The following PCDHA6 variants were observed in gnomAD, a reference collection of about 807,000 sequenced individuals.
The protein encoded by PCDHA6 is protocadherin alpha 6, also known as protocadherin alpha-6.
In PCDHA6, 55 loss-of-function variants were observed where a neutral mutation model predicts 60.3. The observed-to-expected ratio is 0.91, with a 90% confidence interval of 0.73 to 1.14. PCDHA6 has a LOEUF of 1.14. Among genes scored for constraint, PCDHA6 ranks in the 50% most tolerant of loss-of-function variants. The pLI is 0.00. For missense variants in PCDHA6, 1,327 were observed against 1,256.5 expected, an observed-to-expected ratio of 1.06 and a Z score of -0.85; for synonymous variants, 652 against 557.9, an observed-to-expected ratio of 1.17 and a Z score of -2.38.
intron 1 of PCDHA6, among the ~76,000 whole-genome samples, chr5:140,960,335 G>T (rs1362472967): frequency 1.3e-5 from 2 of 152,148 alleles, no homozygotes; most frequent in African/African-American, 4.8e-5. Context: ...AGAAGTACAT[G>T]AGGTGAGATA....
chr5:140,857,611 G>A (rs987659739), intron 1 of PCDHA6: 1 of 1,596,436 alleles, frequency 6.3e-7, no homozygotes, highest in Admixed American at 1.7e-5. Flanking sequence ...CGCTGCAGCC[G>A]CTGGACCACG....
In PCDHA6 at chr5:140,857,202, C is replaced by A. The variant is rs560343247; in HGVS notation, c.2394+26717C>A. 14 of 1,598,626 alleles carry A rather than the reference C, an allele frequency of 8.8e-6. No individual in the cohort carries two copies. In the African/African-American group the frequency reaches 1.1e-4, roughly 12 times the overall value. On this transcript the variant is annotated intron_variant, in intron 1 of 3. Coordinates refer to ENST00000529310, the MANE Select transcript of PCDHA6 (RefSeq NM_018909.4). The stretch of plus-strand genomic sequence containing the variant: ...GATTCAGGAGCCAACGGACAGGTCA[C>A]CTGCTCTCTGACGCCTCACGTTCCG...
intron 1 of PCDHA6, chr5:140,877,758 G>A (rs782480713): frequency 1.2e-6 from 2 of 1,614,190 alleles, no homozygotes; most frequent in Non-Finnish European, 1.7e-6. Flanking sequence ...GCTCTGCAGA[G>A]AGCCCGCCCA....
intron 1 of PCDHA6, chr5:140,863,426 T>C: frequency 1.5e-6 from 1 of 661,760 alleles, no homozygotes; most frequent in Non-Finnish European, 2.7e-6. Context: ...CGCAGCGTAG[T>C]GGGATCTGGT....
intron 1 of PCDHA6, among the ~76,000 whole-genome samples, chr5:140,951,145 TG>T (rs1554219754): frequency 9.9e-6 from 1 of 100,698 alleles, no homozygotes; most frequent in African/African-American, 4.8e-5. Flanking sequence ...TTTATCTTAT[TG>T]AATATAGTTA....
At chr5:140,936,972 T>C (rs2091238144) in intron 1 of PCDHA6, among the ~76,000 whole-genome samples, 2 of 152,314 alleles carry the variant, frequency 1.3e-5, no homozygotes, top group South Asian at 4.1e-4. Context: ...TATAAAAATA[T>C]GAAGCTTGTT....
At chr5:140,974,165 G>A (rs1298109600) in intron 1 of PCDHA6, among the ~76,000 whole-genome samples, 1 of 152,164 alleles carries the variant, frequency 6.6e-6, no homozygotes, top group Admixed American at 6.5e-5. Flanking sequence ...TTTCTTTCAA[G>A]AATTTTAACT....
intron 1 of PCDHA6, chr5:140,863,128 C>G (rs555226712): frequency 3.3e-6 from 2 of 598,142 alleles, no homozygotes; most frequent in East Asian, 8.9e-5. Context: ...TACGCGCCAC[C>G]GCCTGCTGGT....
At chr5:140,992,430 C>T (rs1356224402) in intron 3 of PCDHA6, among the ~76,000 whole-genome samples, 1 of 152,042 alleles carries the variant, frequency 6.6e-6, no homozygotes, top group Non-Finnish European at 1.5e-5. Flanking sequence ...GAATATTGTT[C>T]CAAGAGTTGG....
At chr5:140,843,524 G>A (rs2150361987) in intron 1 of PCDHA6, 4 of 1,595,982 alleles carry the variant, frequency 2.5e-6, no homozygotes, top group East Asian at 4.5e-5. Flanking sequence ...GTGCCGGGCG[G>A]GCAAGCCCAC....
chr5:140,937,099 G>T (rs890589684), intron 1 of PCDHA6, among the ~76,000 whole-genome samples: 1 of 149,656 alleles, frequency 6.7e-6, no homozygotes, highest in Non-Finnish European at 1.5e-5. Flanking sequence ...GTGCAGTGGC[G>T]CAGTCTCGGC....
intron 1 of PCDHA6, among the ~76,000 whole-genome samples, chr5:140,872,173 T>C (rs2053523271): frequency 6.6e-6 from 1 of 152,224 alleles, no homozygotes; most frequent in Non-Finnish European, 1.5e-5. Flanking sequence ...TTCTTTTTTT[T>C]TTTTACAGTG....
intron 1 of PCDHA6, among the ~76,000 whole-genome samples, chr5:140,950,234 T>C (rs1423756424): frequency 1.3e-5 from 2 of 152,028 alleles, no homozygotes; most frequent in Non-Finnish European, 2.9e-5. Flanking sequence ...TCTAGTGCCA[T>C]TAATTTGTTC....
At chr5:140,962,803 T>C (rs2095709614) in intron 1 of PCDHA6, among the ~76,000 whole-genome samples, 1 of 152,240 alleles carries the variant, frequency 6.6e-6, no homozygotes. Context: ...TGGACAACTC[T>C]AAACATCAGA....
intron 1 of PCDHA6, among the ~76,000 whole-genome samples, chr5:140,916,163 C>T (rs546851152): frequency 4.6e-5 from 7 of 152,184 alleles, no homozygotes; most frequent in Admixed American, 1.3e-4. Context: ...TGAATGCTGC[C>T]AGGCCTGGGA....
At chr5:140,843,340 C>T (rs1290060439) in intron 1 of PCDHA6, 3 of 1,595,900 alleles carry the variant, frequency 1.9e-6, no homozygotes, top group African/African-American at 2.7e-5. Context: ...TGGAGAGCGG[C>T]CAGGCTCCAA....
intron 1 of PCDHA6, among the ~76,000 whole-genome samples, chr5:140,955,070 G>A (rs755676357): frequency 2.2e-4 from 34 of 152,166 alleles, no homozygotes; most frequent in Non-Finnish European, 4.1e-4. Context: ...GTTTGTTGAA[G>A]ATCAGATGGT....
chr5:140,873,634 G>C (rs1040264226), intron 1 of PCDHA6, among the ~76,000 whole-genome samples: 1 of 152,158 alleles, frequency 6.6e-6, no homozygotes, highest in Non-Finnish European at 1.5e-5. Flanking sequence ...AGGTCAAAGA[G>C]TATGTGAGAA....
intron 1 of PCDHA6, chr5:140,848,130 C>T (rs1423427149): frequency 5.3e-6 from 1 of 190,174 alleles, no homozygotes. Flanking sequence ...CAAGGTCATA[C>T]AAAACTTTTA....
Sources: gnomAD v4.1 joint callset for allele counts (sites outside exome capture counted in the v4.1 genomes callset) on GRCh38, gnomAD v4.1.1 for gene constraint, MANE v1.5 for transcripts, NCBI Gene and HGNC (gene_info 2026-07-23, HGNC 2026-07-21) for gene names.